Variants in SMC6 observed in about 807,000 individuals in gnomAD.
SMC6 encodes structural maintenance of chromosomes protein 6.
SMC6 carries 79 observed loss-of-function variants against 142.2 expected under a neutral mutation model. That is an observed-to-expected ratio of 0.56 (90% CI 0.46 to 0.67). SMC6 has a LOEUF of 0.67. SMC6 is among the 30% of genes least tolerant of loss of function. SMC6 has a pLI of 0.00. For missense variants in SMC6, 1,072 were observed against 1,284.0 expected, an observed-to-expected ratio of 0.83 and a Z score of 2.52; for synonymous variants, 411 against 412.4, an observed-to-expected ratio of 1.00 and a Z score of 0.04.
rs1220130845 is a variant in SMC6, at chr2:17,666,323, T to A, written c.3161+97A>T. On this transcript the variant is annotated intron_variant, in intron 27 of 27. Transcript: ENST00000448223. ...GGGAGCTAATTTTTATTTTCATTGG[T>A]CTTGTATGTATTTGTATTTTAAAAA... 3 of 840,724 alleles carry A rather than the reference T, an allele frequency of 3.6e-6. No individual in the cohort carries two copies. In the African/African-American group the frequency reaches 5.1e-5, roughly 14 times the overall value. 52.1% of individuals were successfully genotyped at this position (840,724 alleles called of 1,614,324 possible). A position where few individuals can be genotyped will look rare whatever the true frequency, so the allele number is the denominator to read the frequency against.
At chr2:17,703,449 T>G (rs1305404583) in intron 18 of SMC6, among the ~76,000 whole-genome samples, 157 bp from the exon 19 acceptor site, 1 of 152,244 alleles carries the variant, frequency 6.6e-6, no homozygotes, top group Non-Finnish European at 1.5e-5. Flanking sequence ...CTATTAATCA[T>G]GAAAATCTAT....
intron 25 of SMC6, among the ~76,000 whole-genome samples, 167 bp from the exon 26 acceptor site, chr2:17,670,742 A>C (rs1666716915): frequency 6.6e-6 from 1 of 152,246 alleles, no homozygotes; most frequent in Non-Finnish European, 1.5e-5. Flanking sequence ...TTACAGTAAA[A>C]CAGTTATACG....
In SMC6 at chr2:17,733,540, G is replaced by A. The variant is rs75293938; in HGVS notation, c.345-1663C>T. ...CTACATTAAGGAAAATTGGGTGAAG[G>A]ATATACAGAAAATTGTACTATCTTT... On this transcript the variant is annotated intron_variant, in intron 5 of 27. Coordinates refer to ENST00000448223, the MANE Select transcript of SMC6 (RefSeq NM_001142286.2). Among the ~76,000 whole-genome samples the A allele has an allele frequency of 4.8e-3, 728 of 152,218 alleles. 2 individuals are homozygous for A. Among genetic ancestry groups the A allele is most frequent in the Non-Finnish European group, 8.6e-3 (587 of 68,002 alleles).
intron 24 of SMC6, among the ~76,000 whole-genome samples, chr2:17,683,365 A>G (rs1667315877): frequency 6.6e-6 from 1 of 152,134 alleles, no homozygotes; most frequent in Non-Finnish European, 1.5e-5. Context: ...AAAATAAGCT[A>G]TTTTAGAACC....
At position 17,738,306 on chromosome 2, in the gene SMC6, T is replaced by A; in HGVS notation, c.259A>T (p.Thr87Ser). The A allele has an allele frequency of 6.2e-7, 1 of 1,612,418 alleles. No homozygotes were observed. Among genetic ancestry groups the A allele is most frequent in the South Asian group, 1.1e-5 (1 of 90,906 alleles). ...NNGSGKSAVL[T>S]ALIVGLGGRA... ...CCACCAAGACCGACTATGAGAGCTG[T>A]GAGTACTGCACTCTTCCCACCTAAA... The change falls in exon 5 of 28, where the codon ACA becomes TCA. Residue 87 changes from threonine to serine, a missense_variant. By Grantham distance (58) the Thr-to-Ser change is moderately conservative (BLOSUM62 1). Transcript: ENST00000448223.
chr2:17,668,043 C>CA (rs1239475714), intron 26 of SMC6, among the ~76,000 whole-genome samples: 22 of 151,038 alleles, frequency 1.5e-4, no homozygotes, highest in South Asian at 8.4e-4. Flanking sequence ...GCCAAAGTAC[C>CA]AAAAAAAAAT....
chr2:17,700,515 A>T (rs1668217610), intron 20 of SMC6, 137 bp from the exon 21 acceptor site: 2 of 600,100 alleles, frequency 3.3e-6, no homozygotes, highest in South Asian at 7.8e-5. Context: ...AGAACACTAG[A>T]ATATTTTTAT....
intron 7 of SMC6, among the ~76,000 whole-genome samples, chr2:17,728,779 C>T (rs1163850583): frequency 6.6e-6 from 1 of 151,092 alleles, no homozygotes; most frequent in African/African-American, 2.4e-5. Context: ...AACAGGGTCT[C>T]GCTGTGTCAC....
rs926185896 is a variant in SMC6 at position 17,684,151 on chromosome 2, C to G, written c.2679-388G>C. 5.3e-5 allele frequency among the ~76,000 whole-genome samples: 8 copies of G among 152,200 alleles called. No homozygotes were observed. In the East Asian group the frequency reaches 1.4e-3, roughly 26 times the overall value. The stretch of plus-strand genomic sequence containing the variant: ...AGATGCCAATAAAAGAAAAAAAGAA[C>G]TCAAGCCAGCATTAGAATCCACCCT... On this transcript the variant is annotated intron_variant, in intron 23 of 27. Transcript: ENST00000448223.
At chr2:17,697,603 G>C (rs1668065756) in intron 21 of SMC6, among the ~76,000 whole-genome samples, 1 of 151,916 alleles carries the variant, frequency 6.6e-6, no homozygotes, top group Non-Finnish European at 1.5e-5. Flanking sequence ...AAACTACCAA[G>C]AGTATTAGCC....
intron 21 of SMC6, among the ~76,000 whole-genome samples, chr2:17,696,917 T>C (rs1200907185): frequency 1.3e-5 from 2 of 151,922 alleles, no homozygotes; most frequent in Admixed American, 6.6e-5. Context: ...GTAGTAGATA[T>C]AAGGTAAAGA....
In SMC6 at chr2:17,692,825, C is replaced by T. The variant is rs1257615952; in HGVS notation, c.2678+2327G>A. On this transcript the variant is annotated intron_variant, in intron 23 of 27. Coordinates refer to ENST00000448223, the MANE Select transcript of SMC6 (RefSeq NM_001142286.2). ...TACTCATCTGACAAAGGGCTAATAT[C>T]CAGAATCTACAATGAACTCAAACAA... 2.0e-5 allele frequency among the ~76,000 whole-genome samples: 3 copies of T among 152,170 alleles called. No individual in the cohort carries two copies. In the East Asian group the frequency reaches 5.8e-4, roughly 29 times the overall value.
intron 23 of SMC6, among the ~76,000 whole-genome samples, chr2:17,693,095 T>G (rs1572275776): frequency 6.6e-6 from 1 of 152,180 alleles, no homozygotes; most frequent in African/African-American, 2.4e-5. Flanking sequence ...GGAACACTTT[T>G]ACACTGTTGA....
chr2:17,666,429 T>C lies in SMC6; in HGVS notation c.3152A>G (p.Gln1051Arg), dbSNP rs2103453152. ...AGTTTTAAAAAGTTACCTCATGCTT[T>C]GAGGTGTGAGCAAGATAAACTGTCT... ...RFRQFILLTP[Q>R]SMSSLPSSKL... Residue 1051 changes from glutamine (Q) to arginine (R), a missense_variant, in exon 27 of 28, where the codon CAA (glutamine) becomes CGA (arginine). Gln to Arg is a conservative substitution (Grantham distance 43). Transcript: ENST00000448223. 1 of 1,612,536 alleles carries C rather than the reference T, an allele frequency of 6.2e-7. No individual in the cohort carries two copies. The highest frequency in any genetic ancestry group is 2.2e-5 in the East Asian group (1 of 44,854).
intron 14 of SMC6, 114 bp from the exon 15 acceptor site, chr2:17,716,378 A>G (rs1669085063): frequency 1.1e-6 from 1 of 939,878 alleles, no homozygotes; most frequent in South Asian, 1.7e-5. Flanking sequence ...TACCCTAAAA[A>G]CCAAAAGCAG....
chr2:17,715,745 G>A (rs1558357085), intron 15 of SMC6, among the ~76,000 whole-genome samples: 2 of 152,004 alleles, frequency 1.3e-5, no homozygotes, highest in East Asian at 1.9e-4. Flanking sequence ...ATTTTAAAAA[G>A]ATTACCAAAA....
At chr2:17,714,101 T>TG (rs1403357451) in intron 16 of SMC6, among the ~76,000 whole-genome samples, 2 of 151,562 alleles carry the variant, frequency 1.3e-5, no homozygotes, top group East Asian at 1.9e-4. Flanking sequence ...TGTTTTTTTT[T>TG]TTTTTGAGAC....
chr2:17,744,610 A>T (rs568726854), intron 3 of SMC6, among the ~76,000 whole-genome samples: 24 of 152,298 alleles, frequency 1.6e-4, no homozygotes, highest in African/African-American at 5.8e-4. Flanking sequence ...ATTTTCTAGC[A>T]CTATGTTGAA....
chr2:17,752,985 C>G lies in SMC6; in HGVS notation c.-13G>C. On this transcript the variant is annotated 5_prime_UTR_variant, in exon 2 of 28. Transcript: ENST00000448223. ...GAATTTTCACAGTATTACCTCAAAC[C>G]CTATTGGTTCTACAACCTTTCTCTA... is the stretch of plus-strand genomic sequence containing the variant. 6 of 982,896 alleles carry G rather than the reference C, an allele frequency of 6.1e-6. No individual in the cohort carries two copies. Among genetic ancestry groups the G allele is most frequent in the Non-Finnish European group, 7.2e-6 (6 of 827,666 alleles). 60.9% of individuals were successfully genotyped at this position (982,896 alleles called of 1,614,324 possible).
Sources: gnomAD v4.1 joint callset for allele counts (sites outside exome capture counted in the v4.1 genomes callset) on GRCh38, gnomAD v4.1.1 for gene constraint, MANE v1.5 for transcripts, NCBI Gene and HGNC (gene_info 2026-07-23, HGNC 2026-07-21) for gene names.